The following UIMC1 variants were observed in gnomAD, a reference collection of about 807,000 sequenced individuals.
The protein encoded by UIMC1 is BRCA1-A complex subunit RAP80.
Under a neutral mutation model 84.9 loss-of-function variants are expected in UIMC1, and 42 were observed. The observed-to-expected ratio is 0.49, with a 90% CI of 0.39 to 0.64. The LOEUF (loss-of-function observed/expected upper bound fraction) is 0.64. UIMC1 is among the 30% of genes least tolerant of loss of function. The pLI is 0.00. For synonymous variants in UIMC1, 281 were observed against 293.0 expected (o/e 0.96, Z 0.42); for missense variants, 825 against 847.6 (o/e 0.97, Z 0.33).
At chr5:177,004,585 T>G (rs1775004807) in intron 1 of UIMC1, among the ~76,000 whole-genome samples, 1 of 152,210 alleles carries the variant, frequency 6.6e-6, no homozygotes, top group African/African-American at 2.4e-5. Context: ...CAGCAGCTTC[T>G]TAATGACAAT....
chr5:176,964,194 G>A (rs1004718027), intron 6 of UIMC1, among the ~76,000 whole-genome samples: 2 of 152,158 alleles, frequency 1.3e-5, no homozygotes, highest in Admixed American at 6.5e-5. Context: ...TTTAACAAAC[G>A]AATTCTTTCT....
chr5:177,011,772 G>A (rs577553963), upstream of UIMC1, among the ~76,000 whole-genome samples: 63 of 152,016 alleles, frequency 4.1e-4, no homozygotes, highest in African/African-American at 1.3e-3. Context: ...GGCTGGAGCC[G>A]TGGCAGAGGA....
chr5:176,986,331 G>A (rs1175808973), intron 1 of UIMC1, among the ~76,000 whole-genome samples: 3 of 136,018 alleles, frequency 2.2e-5, no homozygotes, highest in Non-Finnish European at 4.6e-5. Flanking sequence ...CTGCACTCCG[G>A]CCTGGGTGCC....
chr5:176,966,660 A>G (rs74415474), intron 6 of UIMC1, among the ~76,000 whole-genome samples: 5,006 of 152,248 alleles, frequency 0.033, 295 homozygotes, highest in African/African-American at 0.11. Context: ...TACACAATAT[A>G]ATCTAGCTAC....
chr5:176,965,005 A>G (rs1043492219), intron 6 of UIMC1, among the ~76,000 whole-genome samples: 1 of 152,238 alleles, frequency 6.6e-6, no homozygotes, highest in Non-Finnish European at 1.5e-5. Flanking sequence ...CCTACACCTG[A>G]AAAACAAAAG....
chr5:176,933,825 C>T lies in UIMC1; in HGVS notation c.1597+9510G>A, dbSNP rs547389049. Among the ~76,000 whole-genome samples the T allele has an allele frequency of 5.9e-5, 9 of 152,100 alleles. No individual in the cohort carries two copies. The South Asian group carries it at 1.3e-3, about 21-fold the overall frequency. On this transcript the variant is annotated intron_variant, in intron 10 of 14. Coordinates refer to ENST00000511320, the MANE Select transcript of UIMC1 (RefSeq NM_001199298.2). ...TGCTTGGATTACAGGTGTGAACTAC[C>T]ATGACTGACCCTAGATGTTTATCTT...
At chr5:176,997,352 G>A (rs1773753296) in intron 1 of UIMC1, among the ~76,000 whole-genome samples, 1 of 152,010 alleles carries the variant, frequency 6.6e-6, no homozygotes, top group South Asian at 2.1e-4. Flanking sequence ...CACCAAAGCT[G>A]TTTTCTTTTC....
At chr5:176,935,276 T>A (rs995349731) in intron 10 of UIMC1, among the ~76,000 whole-genome samples, 1 of 152,202 alleles carries the variant, frequency 6.6e-6, no homozygotes, top group Non-Finnish European at 1.5e-5. Context: ...TCCTACACAC[T>A]CTTCACATTT....
At chr5:176,965,354 G>A (rs1205542205) in intron 6 of UIMC1, among the ~76,000 whole-genome samples, 3 of 151,688 alleles carry the variant, frequency 2.0e-5, no homozygotes, top group Non-Finnish European at 4.4e-5. Context: ...CCCGGGAGGT[G>A]GAGCTTACAG....
intron 9 of UIMC1, among the ~76,000 whole-genome samples, chr5:176,945,608 T>C (rs1006608449): frequency 1.3e-5 from 2 of 152,154 alleles, no homozygotes; most frequent in African/African-American, 2.4e-5. Context: ...AAGATGTTCA[T>C]AGCTCTGGGA....
chr5:176,978,858 A>T (rs1770560610), intron 2 of UIMC1, among the ~76,000 whole-genome samples: 1 of 152,242 alleles, frequency 6.6e-6, no homozygotes, highest in Non-Finnish European at 1.5e-5. Flanking sequence ...GTTCCTTAAC[A>T]TAAAAACGGA....
Position 176,943,526 on chromosome 5 carries a change from G to A in UIMC1, c.1444-38C>T, listed in dbSNP as rs559202196. On this transcript the variant is annotated intron_variant, in intron 9 of 14. Transcript: ENST00000511320. ...ACAAACAGCAATCATAACAGCTTTA[G>A]TTCATATCATTCCCTACAACGAACT... The A allele has an allele frequency of 4.4e-6, 7 of 1,605,284 alleles. No homozygotes were observed. The East Asian group carries it at 1.3e-4, about 31-fold the overall frequency.
intron 6 of UIMC1, among the ~76,000 whole-genome samples, chr5:176,965,600 C>CTT (rs1487153566): frequency 1.3e-5 from 2 of 152,156 alleles, no homozygotes; most frequent in African/African-American, 4.8e-5. Flanking sequence ...TGAGATTAGG[C>CTT]ATTAGCCATT....
rs180683009 is a variant in UIMC1 at position 176,983,384 on chromosome 5, A to T, written c.-8-761T>A. Among the ~76,000 whole-genome samples, 1,303 of 149,904 alleles carry T rather than the reference A, an allele frequency of 8.7e-3. 15 individuals carry two copies. Among genetic ancestry groups the T allele is most frequent in the African/African-American group, 0.031 (1,256 of 40,576 alleles). ...CAAGTGCCTGGGATTCCAGGCACGC[A>T]CCGCCACTCCTGACTGGTTTTTGTA... On this transcript the variant is annotated intron_variant, in intron 1 of 14. Coordinates refer to ENST00000511320, the MANE Select transcript of UIMC1 (RefSeq NM_001199298.2).
chr5:176,924,774 C>G (rs1423057523), intron 10 of UIMC1, among the ~76,000 whole-genome samples: 1 of 152,110 alleles, frequency 6.6e-6, no homozygotes, highest in African/African-American at 2.4e-5. Flanking sequence ...GGCGCGGTGG[C>G]TCATATCTGT....
At chr5:176,929,939 A>C (rs1408379584) in intron 10 of UIMC1, among the ~76,000 whole-genome samples, 1 of 152,226 alleles carries the variant, frequency 6.6e-6, no homozygotes, top group African/African-American at 2.4e-5. Context: ...TAAAGATAAT[A>C]GTAAGTAAGT....
At chr5:176,975,731 C>T (rs991402055) in intron 2 of UIMC1, among the ~76,000 whole-genome samples, 5 of 152,136 alleles carry the variant, frequency 3.3e-5, no homozygotes, top group African/African-American at 1.2e-4. Flanking sequence ...CAGACAAAAA[C>T]TAGTCTATCT....
At chr5:176,981,292 G>A (rs561086979) in intron 2 of UIMC1, among the ~76,000 whole-genome samples, 4 of 151,774 alleles carry the variant, frequency 2.6e-5, no homozygotes, top group South Asian at 2.1e-4. Flanking sequence ...CTACAGGCAC[G>A]TGCCACCACA....
intron 8 of UIMC1, among the ~76,000 whole-genome samples, chr5:176,955,023 AG>A (rs1269867436): frequency 6.6e-6 from 1 of 152,224 alleles, no homozygotes; most frequent in East Asian, 1.9e-4. Flanking sequence ...AAACATCAGT[AG>A]GAAGTCCCTC....
Sources: gnomAD v4.1 joint callset for allele counts (sites outside exome capture counted in the v4.1 genomes callset) on GRCh38, gnomAD v4.1.1 for gene constraint, MANE v1.5 for transcripts, NCBI Gene and HGNC (gene_info 2026-07-23, HGNC 2026-07-21) for gene names.